The following NHSL2 variants were observed in gnomAD, a reference collection of about 807,000 sequenced individuals.
NHSL2 encodes NHS-like protein 2.
NHSL2 carries 27 observed loss-of-function variants against 53.4 expected under a neutral mutation model. That is an observed-to-expected ratio of 0.51 (90% CI 0.37 to 0.70). NHSL2 has a LOEUF of 0.70. Among genes scored for constraint, NHSL2 ranks in the 30% least tolerant of loss-of-function variants. NHSL2 has a pLI of 0.00. For missense variants in NHSL2, 892 were observed against 980.1 expected, an observed-to-expected ratio of 0.91 and a Z score of 1.20; for synonymous variants, 408 against 404.1, an observed-to-expected ratio of 1.01 and a Z score of -0.12.
intron 1 of NHSL2, among the ~76,000 whole-genome samples, chrX:72,058,288 T>C (rs927313922): frequency 2.7e-5 from 3 of 112,667 alleles, no homozygotes; most frequent in Non-Finnish European, 5.6e-5. Context: ...AACAGAATTT[T>C]AGAAAACTTG....
chrX:72,073,492 C>T (rs758040996), intron 1 of NHSL2, among the ~76,000 whole-genome samples: 4 of 112,227 alleles, frequency 3.6e-5, no homozygotes, highest in Non-Finnish European at 7.5e-5. Context: ...ATACAGCATA[C>T]GCATAGCTGT....
intron 1 of NHSL2, among the ~76,000 whole-genome samples, chrX:71,980,039 A>T (rs541450117): frequency 2.7e-5 from 3 of 111,542 alleles, no homozygotes; most frequent in Non-Finnish European, 5.7e-5. Flanking sequence ...CATTTCTTGT[A>T]TTTGTCAGGT....
chrX:72,079,760 G>A (rs1455176315), intron 1 of NHSL2: 1 of 113,023 alleles, frequency 8.8e-6, no homozygotes, highest in African/African-American at 3.2e-5. Flanking sequence ...GACTCAGACA[G>A]CCAGTTCCTG....
At chrX:72,085,336 G>T (rs2041829446) in intron 1 of NHSL2, among the ~76,000 whole-genome samples, 1 of 112,524 alleles carries the variant, frequency 8.9e-6, no homozygotes, top group Non-Finnish European at 1.9e-5. Context: ...GGTGTCAGAA[G>T]AAAGTAGGTT....
chrX:72,098,564 G>C (rs1254435341), intron 1 of NHSL2, among the ~76,000 whole-genome samples: 6 of 93,729 alleles, frequency 6.4e-5, no homozygotes, highest in African/African-American at 2.5e-4. Flanking sequence ...CTGGGTGACA[G>C]AGCAAGACTC....
intron 1 of NHSL2, among the ~76,000 whole-genome samples, chrX:71,994,531 A>T (rs537681809): frequency 9.0e-6 from 1 of 111,202 alleles, no homozygotes; most frequent in Non-Finnish European, 1.9e-5. Context: ...TTAAGGAATG[A>T]GGACAAAATA....
At chrX:72,113,672 C>G (rs1022142266) in intron 1 of NHSL2, among the ~76,000 whole-genome samples, 5 of 112,459 alleles carry the variant, frequency 4.4e-5, no homozygotes, top group African/African-American at 1.6e-4. Context: ...GCAAAGTGGC[C>G]TGGACCCAGG....
chrX:72,080,686 C>T (rs980572797), intron 1 of NHSL2, among the ~76,000 whole-genome samples: 1 of 110,445 alleles, frequency 9.1e-6, no homozygotes, highest in African/African-American at 3.3e-5. Context: ...AATTCCATCT[C>T]ATTCAATCCA....
Position 72,143,559 on chromosome X carries a change from T to G in NHSL2, c.3663T>G (p.Asp1221Glu). The G allele has an allele frequency of 8.7e-7, 1 of 1,143,804 alleles. No individual in the cohort carries two copies. The highest frequency in any genetic ancestry group is 1.2e-6 in the Non-Finnish European group (1 of 856,309). 94.3% of individuals were successfully genotyped at this position (1,143,804 alleles called of 1,213,427 possible). A position where few individuals can be genotyped will look rare whatever the true frequency, so the allele number is the denominator to read the frequency against. The part of the protein sequence containing the change: ...AQFSKDYETT[D>E]NPST ...TTTCAAAAGACTATGAAACCACCGA[T>G]AACCCCAGTACCTAAGCCCTGGGCT... The change falls in exon 8 of 8, where the codon GAT becomes GAG. Residue 1221 changes from aspartate to glutamate, a missense_variant. Coordinates refer to ENST00000633930, the MANE Select transcript of NHSL2 (RefSeq NM_001013627.3).
At chrX:72,044,698 G>C in intron 1 of NHSL2, 1 of 1,122,456 alleles carries the variant, frequency 8.9e-7, no homozygotes, top group Non-Finnish European at 1.2e-6. Flanking sequence ...AGCAGTCAGG[G>C]ACATTTCTGA....
intron 1 of NHSL2, among the ~76,000 whole-genome samples, chrX:72,106,273 CAT>C (rs1427956587): frequency 9.0e-6 from 1 of 110,650 alleles, no homozygotes; most frequent in Admixed American, 9.5e-5. Flanking sequence ...CACACACACA[CAT>C]ACACACACAA....
chrX:72,078,186 C>T (rs994614947), intron 1 of NHSL2, among the ~76,000 whole-genome samples: 3 of 112,490 alleles, frequency 2.7e-5, no homozygotes, highest in Non-Finnish European at 5.6e-5. Flanking sequence ...CAGTAGGGCT[C>T]CCAAGTCTGT....
At chrX:71,950,364 G>A (rs935322924) in intron 1 of NHSL2, among the ~76,000 whole-genome samples, 3 of 112,676 alleles carry the variant, frequency 2.7e-5, no homozygotes, top group East Asian at 5.6e-4. Context: ...AACAATACTC[G>A]GCAGGCATCC....
chrX:72,078,986 T>C (rs1032225846), intron 1 of NHSL2, among the ~76,000 whole-genome samples: 2 of 112,235 alleles, frequency 1.8e-5, no homozygotes, highest in African/African-American at 6.5e-5. Flanking sequence ...TTTCCTTGTC[T>C]TTCTGTGTCC....
rs377152946 is a variant in NHSL2 at position 71,963,974 on chromosome X, C to CATATATATATAT, written c.280+52614_280+52625dup. 1.5e-4 allele frequency among the ~76,000 whole-genome samples: 7 copies of CATATATATATAT among 47,968 alleles called. 1 individual carries two copies. Among genetic ancestry groups the CATATATATATAT allele is most frequent in the African/African-American group, 6.3e-4 (7 of 11,155 alleles). The allele number at this position is 47,968 out of a possible 115,157, so 41.7% of individuals were successfully genotyped here. ...CTATATATATACACATATATATATA[C>CATATATATATAT]ATATATATATATATATATGTATATA... On this transcript the variant is annotated intron_variant, in intron 1 of 7. Transcript: ENST00000633930.
At chrX:72,096,858 C>T (rs758323695) in intron 1 of NHSL2, among the ~76,000 whole-genome samples, 26 of 111,735 alleles carry the variant, frequency 2.3e-4, no homozygotes, top group African/African-American at 5.9e-4. Context: ...CCTGGGCTCA[C>T]GCGATCGTCC....
At chrX:72,100,818 T>A (rs1165960666) in intron 1 of NHSL2, among the ~76,000 whole-genome samples, 1 of 112,143 alleles carries the variant, frequency 8.9e-6, no homozygotes, top group Non-Finnish European at 1.9e-5. Flanking sequence ...GCCAAAAAGG[T>A]TGGGGACTGC....
chrX:72,058,557 A>T (rs1209196612), intron 1 of NHSL2, among the ~76,000 whole-genome samples: 1 of 111,550 alleles, frequency 9.0e-6, no homozygotes, highest in Non-Finnish European at 1.9e-5. Flanking sequence ...GTTGGCCAGG[A>T]TGGTCTCGAT....
At chrX:72,102,901 G>A (rs187340993) in intron 1 of NHSL2, among the ~76,000 whole-genome samples, 166 of 112,007 alleles carry the variant, frequency 1.5e-3, no homozygotes, top group Non-Finnish European at 2.3e-3. Flanking sequence ...AGGGTGACTC[G>A]TGACAGCTCC....
Sources: gnomAD v4.1 joint callset for allele counts (sites outside exome capture counted in the v4.1 genomes callset) on GRCh38, gnomAD v4.1.1 for gene constraint, MANE v1.5 for transcripts, NCBI Gene and HGNC (gene_info 2026-07-23, HGNC 2026-07-21) for gene names.